The following FHIT variants were observed in gnomAD, a reference collection of about 807,000 sequenced individuals.
The protein encoded by FHIT is fragile histidine triad diadenosine triphosphatase.
Under a neutral mutation model 17.9 loss-of-function variants are expected in FHIT, and 19 were observed. The observed-to-expected ratio is 1.06, with a 90% CI of 0.74 to 1.56. The LOEUF is 1.56. FHIT is among the 40% of genes most tolerant of loss of function. The pLI is 0.00. For synonymous variants in FHIT, 81 were observed against 69.7 expected (o/e 1.16, Z -0.81); for missense variants, 248 against 189.2 (o/e 1.31, Z -1.82).
intron 5 of FHIT, among the ~76,000 whole-genome samples, chr3:60,104,267 C>G (rs1196871411): frequency 6.6e-6 from 1 of 152,150 alleles, no homozygotes; most frequent in African/African-American, 2.4e-5. Flanking sequence ...CATCATCAAT[C>G]AACCAGTGTT....
At chr3:60,661,566 C>T (rs189874536) in intron 4 of FHIT, among the ~76,000 whole-genome samples, 1 of 152,102 alleles carries the variant, frequency 6.6e-6, no homozygotes, top group Non-Finnish European at 1.5e-5. Flanking sequence ...TGGGTAGATA[C>T]CCAATAGTGG....
At chr3:60,575,560 A>T (rs185292906) in intron 4 of FHIT, among the ~76,000 whole-genome samples, 1 of 152,306 alleles carries the variant, frequency 6.6e-6, no homozygotes, top group Non-Finnish European at 1.5e-5. Context: ...TAAGATTTTC[A>T]TTTAAAAGAA....
At chr3:60,255,773 T>C (rs180802338) in intron 5 of FHIT, among the ~76,000 whole-genome samples, 13 of 152,230 alleles carry the variant, frequency 8.5e-5, no homozygotes, top group South Asian at 2.1e-4. Context: ...CTGGTGTTCA[T>C]GGACCTGGGA....
chr3:60,581,075 C>A (rs1409604097), intron 4 of FHIT, among the ~76,000 whole-genome samples: 4 of 152,060 alleles, frequency 2.6e-5, no homozygotes, highest in Admixed American at 2.0e-4. Context: ...AAGGCAAAGT[C>A]CCTTGCAGCT....
chr3:60,450,885 T>G (rs1282670639), intron 5 of FHIT, among the ~76,000 whole-genome samples: 1 of 152,166 alleles, frequency 6.6e-6, no homozygotes, highest in Non-Finnish European at 1.5e-5. Context: ...AACAGCCAGG[T>G]CCATATAGAG....
chr3:60,405,847 C>G (rs561716958), intron 5 of FHIT, among the ~76,000 whole-genome samples: 121 of 152,292 alleles, frequency 7.9e-4, no homozygotes, highest in Middle Eastern at 6.8e-3. Context: ...CTTGAGAAAC[C>G]CTCAGCTAGA....
intron 5 of FHIT, among the ~76,000 whole-genome samples, chr3:60,425,667 AAAGC>A (rs1702636006): frequency 6.6e-6 from 1 of 152,138 alleles, no homozygotes; most frequent in Non-Finnish European, 1.5e-5. Flanking sequence ...AAAATTTTAT[AAAGC>A]AAGAAACTCC....
chr3:60,734,103 T>G (rs571599365), intron 4 of FHIT, among the ~76,000 whole-genome samples: 1 of 152,194 alleles, frequency 6.6e-6, no homozygotes, highest in South Asian at 2.1e-4. Flanking sequence ...CCTTTCAAGA[T>G]GTAAGCAGGG....
chr3:60,534,508 G>A (rs1254453247), intron 5 of FHIT, among the ~76,000 whole-genome samples: 1 of 146,530 alleles, frequency 6.8e-6, no homozygotes, highest in Non-Finnish European at 1.5e-5. Flanking sequence ...TAAAGGTAAA[G>A]TAAAATAAAA....
At chr3:60,172,761 G>A (rs1314730316) in intron 5 of FHIT, among the ~76,000 whole-genome samples, 1 of 152,152 alleles carries the variant, frequency 6.6e-6, no homozygotes, top group Non-Finnish European at 1.5e-5. Flanking sequence ...ATGGGCAGAG[G>A]CTCCTCCAAG....
intron 7 of FHIT, among the ~76,000 whole-genome samples, chr3:59,968,795 G>A (rs1044166078): frequency 4.6e-5 from 7 of 152,176 alleles, no homozygotes; most frequent in African/African-American, 1.2e-4. Context: ...GAACAAAAGC[G>A]CTTGCTGTCA....
chr3:60,860,361 C>G (rs111210685), intron 3 of FHIT, among the ~76,000 whole-genome samples: 13,497 of 60,230 alleles, frequency 0.22, 70 homozygotes, highest in Non-Finnish European at 0.24. Context: ...GTATACATGA[C>G]ATACATCATA....
chr3:61,163,022 C>G (rs1333950525), intron 2 of FHIT, among the ~76,000 whole-genome samples: 1 of 152,108 alleles, frequency 6.6e-6, no homozygotes, highest in Non-Finnish European at 1.5e-5. Context: ...TTCTTTAATA[C>G]ATGTATAGAT....
Position 60,569,516 on chromosome 3 carries a change from A to AG in FHIT, c.-17-32538dup, listed in dbSNP as rs2037276902. On this transcript the variant is annotated intron_variant, in intron 4 of 9. Coordinates refer to ENST00000492590, the MANE Select transcript of FHIT (RefSeq NM_002012.4). ...TATGCCTACTGAGTAATGAGTTAGCAGGATCACCTTCATGTTTGAAGACAC... is the reference window on the plus strand; with the variant it reads ...TATGCCTACTGAGTAATGAGTTAGCAGGGATCACCTTCATGTTTGAAGACAC... Among the ~76,000 whole-genome samples the AG allele has an allele frequency of 3.3e-5, 5 of 151,934 alleles. 1 individual carries two copies. In the South Asian group the frequency reaches 1.0e-3, roughly 32 times the overall value.
intron 4 of FHIT, among the ~76,000 whole-genome samples, chr3:60,642,535 A>G (rs2039753015): frequency 6.6e-6 from 1 of 152,210 alleles, no homozygotes; most frequent in African/African-American, 2.4e-5. Context: ...CTCATTCTCA[A>G]GTTTGTAAAA....
chr3:60,136,517 G>C (rs1033789260), intron 5 of FHIT, among the ~76,000 whole-genome samples: 3 of 151,990 alleles, frequency 2.0e-5, no homozygotes, highest in African/African-American at 7.2e-5. Flanking sequence ...TCCCCATTCT[G>C]TCTCAAACCT....
chr3:59,982,780 C>T (rs892450707), intron 7 of FHIT, among the ~76,000 whole-genome samples: 9 of 152,102 alleles, frequency 5.9e-5, no homozygotes, highest in Admixed American at 3.9e-4. Context: ...CAGGCCTAGA[C>T]CAGCACATCA....
rs1559653496 is a variant in FHIT at position 60,123,993 on chromosome 3, TATATATATATATATATAGAGAGAGAGAG to T, written c.104-109869_104-109842del. ...ATATATATATATATATATATATATA[TATATATATATATATATAGAGAGAGAGAG>T]AGAGAGAGAGAGAGAGAGAGAGAGA... is the stretch of plus-strand genomic sequence containing the variant. On this transcript the variant is annotated intron_variant, in intron 5 of 9. Transcript: ENST00000492590. Among the ~76,000 whole-genome samples, 312 of 40,708 alleles carry T rather than the reference TATATATATATATATATAGAGAGAGAGAG, an allele frequency of 7.7e-3. 1 individual carries two copies. The highest frequency in any genetic ancestry group is 0.022 in the South Asian group (23 of 1,044). The allele number at this position is 40,708 out of a possible 152,430, so 26.7% of individuals were successfully genotyped here. A position where few individuals can be genotyped will look rare whatever the true frequency, so the allele number is the denominator to read the frequency against.
intron 5 of FHIT, among the ~76,000 whole-genome samples, chr3:60,176,217 T>C (rs1701661974): frequency 6.6e-6 from 1 of 152,158 alleles, no homozygotes; most frequent in South Asian, 2.1e-4. Flanking sequence ...CCGGGCATGT[T>C]GGTATGTGCC....
Sources: gnomAD v4.1 joint callset for allele counts (sites outside exome capture counted in the v4.1 genomes callset) on GRCh38, gnomAD v4.1.1 for gene constraint, MANE v1.5 for transcripts, NCBI Gene and HGNC (gene_info 2026-07-23, HGNC 2026-07-21) for gene names.